The following ATG16L2 variants were observed in gnomAD, a reference collection of about 807,000 sequenced individuals.
ATG16L2 encodes the protein autophagy related 16 like 2.
ATG16L2 carries 77 observed loss-of-function variants against 84.7 expected under a neutral mutation model. The observed-to-expected ratio is 0.91, with a 90% CI of 0.76 to 1.10. ATG16L2 has a LOEUF of 1.10. Among genes scored for constraint, ATG16L2 ranks in the 50% least tolerant of loss-of-function variants. The pLI is 0.00. For missense variants in ATG16L2, 782 were observed against 817.6 expected, an observed-to-expected ratio of 0.96 and a Z score of 0.53; for synonymous variants, 361 against 342.8, an observed-to-expected ratio of 1.05 and a Z score of -0.59.
chr11:72,826,613 C>T (rs1398226329), intron 12 of ATG16L2, 24 bp downstream of exon 12: 4 of 1,614,118 alleles, frequency 2.5e-6, no homozygotes, highest in Admixed American at 3.3e-5. Flanking sequence ...GGGGAGGCTG[C>T]CTGGAGGTCA....
chr11:72,842,018 A>G (rs1860969982), intron 5 of ATG16L2, among the ~76,000 whole-genome samples: 1 of 152,208 alleles, frequency 6.6e-6, no homozygotes, highest in Non-Finnish European at 1.5e-5. Context: ...TCACCACGCA[A>G]ACAAGATCGG....
At chr11:72,814,854 T>A (rs1175993606) in intron 1 of ATG16L2, among the ~76,000 whole-genome samples, 1 of 152,036 alleles carries the variant, frequency 6.6e-6, no homozygotes, top group African/African-American at 2.4e-5. Flanking sequence ...GGGTGTTGGT[T>A]TTGCAGGGTC....
chr11:72,814,637 G>A, intron 1 of ATG16L2, 74 bp downstream of exon 1: 3 of 1,280,110 alleles, frequency 2.3e-6, no homozygotes, highest in South Asian at 1.4e-5. Flanking sequence ...GGGTTTGGCT[G>A]GCTCCTCCGC....
Position 72,828,743 on chromosome 11 carries a change from A to C in ATG16L2, c.1637A>C (p.Lys546Thr). The C allele has an allele frequency of 6.2e-7, 1 of 1,614,154 alleles. No homozygotes were observed. The highest frequency in any genetic ancestry group is 8.5e-7 in the Non-Finnish European group (1 of 1,180,020). ...TCTGTCCTCAGGGCCGATGGCTTCA[A>C]GTGTGGTTCTGACTGGACCAAAGCT... is the stretch of plus-strand genomic sequence containing the variant. ...IRQVFRADGF[K>T]CGSDWTKAVF... The change falls in exon 16 of 18, where the codon AAG becomes ACG. Residue 546 changes from lysine to threonine, a missense_variant. Transcript: ENST00000321297.
intron 2 of ATG16L2, among the ~76,000 whole-genome samples, chr11:72,817,171 A>G (rs1278754646): frequency 6.6e-6 from 1 of 151,568 alleles, no homozygotes; most frequent in African/African-American, 2.4e-5. Context: ...GGGTCTTGCT[A>G]CCTGTTGCAA....
In ATG16L2 at chr11:72,822,167, G is replaced by C. The variant is rs1228841489; in HGVS notation, c.516G>C (p.Ala172=). ...VQRAAYEALR[A]HVGLREAALR... ...GGGCAGCCTACGAGGCGCTGCGCGCGCACGTCGGGCTCCGGGAGGCGGCAC... is the reference window on the plus strand; with the variant it reads ...GGGCAGCCTACGAGGCGCTGCGCGCCCACGTCGGGCTCCGGGAGGCGGCAC... Residue 172 remains alanine, a synonymous_variant, in exon 5 of 18, where the codon GCG becomes GCC. Coordinates refer to ENST00000321297, the MANE Select transcript of ATG16L2 (RefSeq NM_033388.2). The surrounding 1 kb of genome is among the most constrained non-coding windows in gnomAD (Gnocchi z 4.2). The C allele has an allele frequency of 6.7e-7, 1 of 1,492,604 alleles. No individual in the cohort carries two copies. The highest frequency in any genetic ancestry group is 1.5e-5 in the African/African-American group (1 of 68,654). The allele number at this position is 1,492,604 out of a possible 1,614,324, so 92.5% of individuals were successfully genotyped here.
downstream of ATG16L2, among the ~76,000 whole-genome samples, chr11:72,830,235 C>A (rs1860576466): frequency 6.6e-6 from 1 of 152,134 alleles, no homozygotes; most frequent in South Asian, 2.1e-4. Flanking sequence ...TGGGCACAGG[C>A]CTGTGGAGAC....
intron 11 of ATG16L2, 126 bp from the exon 12 acceptor site, chr11:72,826,392 G>C: frequency 6.9e-7 from 1 of 1,448,384 alleles, no homozygotes; most frequent in Non-Finnish European, 9.5e-7. Flanking sequence ...TTGGGCCGGA[G>C]GCTCCTTTGC....
chr11:72,824,805 T>A lies in ATG16L2; in HGVS notation c.959T>A (p.Val320Glu). The change falls in exon 9 of 18, where the codon GTG becomes GAG. Residue 320 changes from valine to glutamate, a missense_variant. Transcript: ENST00000321297. ...CGATACCAGATCATCCCTGTGTGTGTGGCTGCCCGACTTCCTACCCGGGCT... is the reference window on the plus strand; with the variant it reads ...CGATACCAGATCATCCCTGTGTGTGAGGCTGCCCGACTTCCTACCCGGGCT... ...EQRYQIIPVCVAARLPTRAQD... is the reference protein window; with the variant it reads ...EQRYQIIPVCEAARLPTRAQD... 1 of 1,606,106 alleles carries A rather than the reference T, an allele frequency of 6.2e-7. No homozygotes were observed. The highest frequency in any genetic ancestry group is 8.5e-7 in the Non-Finnish European group (1 of 1,176,152).
chr11:72,837,574 G>A (rs1860769155), intron 5 of ATG16L2: 1 of 152,174 alleles, frequency 6.6e-6, no homozygotes, highest in South Asian at 2.1e-4. Flanking sequence ...CTGACGTGGG[G>A]GCACCTGCTG....
chr11:72,833,571 A>G (rs559587295), downstream of ATG16L2, among the ~76,000 whole-genome samples: 6 of 152,316 alleles, frequency 3.9e-5, no homozygotes, highest in South Asian at 1.2e-3. Context: ...TGCGCAGTGT[A>G]GAAGGGCTGT....
chr11:72,841,013 CT>C, intron 5 of ATG16L2: 4 of 1,329,854 alleles, frequency 3.0e-6, no homozygotes, highest in Middle Eastern at 1.8e-4. Flanking sequence ...AGCAATAATG[CT>C]GATGCAAGGC....
exon 6 of ATG16L2, chr11:72,842,956 T>C (rs996747754): frequency 1.1e-6 from 1 of 945,284 alleles, no homozygotes; most frequent in Non-Finnish European, 1.6e-6. Flanking sequence ...AGGATTAAAG[T>C]TGTAATTTTT....
At chr11:72,821,452 G>T (rs1009137012) in intron 3 of ATG16L2, 56 of 1,380,734 alleles carry the variant, frequency 4.1e-5, no homozygotes, top group Admixed American at 3.7e-4. Context: ...GGCGAGGATT[G>T]GGACCCAGGG....
downstream of ATG16L2, among the ~76,000 whole-genome samples, chr11:72,833,602 T>C (rs1860653098): frequency 6.6e-6 from 1 of 152,170 alleles, no homozygotes; most frequent in South Asian, 2.1e-4. Context: ...CCTGGGTTCA[T>C]TTCTGTCAAT....
chr11:72,823,944 C>T (rs751918940), intron 7 of ATG16L2, 116 bp from the exon 8 acceptor site: 7 of 1,164,516 alleles, frequency 6.0e-6, no homozygotes, highest in Non-Finnish European at 9.1e-6. Context: ...AAGTTCTTAT[C>T]CCAGACTTGA....
intron 5 of ATG16L2, among the ~76,000 whole-genome samples, chr11:72,841,875 G>T (rs1346593991): frequency 1.3e-5 from 2 of 152,128 alleles, no homozygotes; most frequent in Non-Finnish European, 2.9e-5. Context: ...TACCAAATTA[G>T]TCAATTCAGT....
intron 3 of ATG16L2, chr11:72,820,375 C>T (rs886264581): frequency 2.6e-5 from 4 of 152,142 alleles, no homozygotes; most frequent in Non-Finnish European, 5.9e-5. Context: ...CACATTCACC[C>T]CTCTCCCCCC....
Position 72,824,001 on chromosome 11 carries a change from C to T in ATG16L2, c.825-59C>T. The T allele has an allele frequency of 3.2e-6, 5 of 1,585,476 alleles. No individual in the cohort carries two copies. In the South Asian group the frequency reaches 5.5e-5, roughly 18 times the overall value. ...TCTGGCAAAGTGTGGAGATGATGGACAGCCATTTGTACACACACCAGCCAG... is the reference window on the plus strand; with the variant it reads ...TCTGGCAAAGTGTGGAGATGATGGATAGCCATTTGTACACACACCAGCCAG... On this transcript the variant is annotated intron_variant, in intron 7 of 17. Coordinates refer to ENST00000321297, the MANE Select transcript of ATG16L2 (RefSeq NM_033388.2).
Sources: gnomAD v4.1 joint callset for allele counts (sites outside exome capture counted in the v4.1 genomes callset) on GRCh38, gnomAD v4.1.1 for gene constraint, Gnocchi (gnomAD v3.1) non-coding constraint, MANE v1.5 for transcripts, NCBI Gene and HGNC (gene_info 2026-07-23, HGNC 2026-07-21) for gene names.